Variants in GABRB1 observed in about 807,000 individuals in gnomAD.
GABRB1 encodes the protein gamma-aminobutyric acid receptor subunit beta-1.
GABRB1 carries 17 observed loss-of-function variants against 51.6 expected under a neutral mutation model. That is an observed-to-expected ratio of 0.33 (90% CI 0.23 to 0.49). The LOEUF (loss-of-function observed/expected upper bound fraction) is 0.49. GABRB1 is among the 20% of genes least tolerant of loss of function. The pLI is 0.99. For missense variants in GABRB1, 410 were observed against 600.6 expected (o/e 0.68, Z 3.32); for synonymous variants, 247 against 218.9 (o/e 1.13, Z -1.14).
intron 3 of GABRB1, among the ~76,000 whole-genome samples, chr4:47,041,081 G>A (rs1725817049): frequency 6.6e-6 from 1 of 152,124 alleles, no homozygotes; most frequent in South Asian, 2.1e-4. Context: ...TTGCATGAAA[G>A]CAGTGTAAAG....
rs115662723 is a variant in GABRB1 at position 47,159,801 on chromosome 4, G to T, written c.241-1448G>T. ...TGAAGTGCAGTTTGCCCAGATGTTA[G>T]ACATGATTCTAATCATTCTTTTTCC... On this transcript the variant is annotated intron_variant, in intron 3 of 8. Transcript: ENST00000295454. 7.6e-3 allele frequency among the ~76,000 whole-genome samples: 1,155 copies of T among 152,148 alleles called. 12 individuals carry two copies. The highest frequency in any genetic ancestry group is 0.026 in the African/African-American group (1,092 of 41,522).
intron 5 of GABRB1, among the ~76,000 whole-genome samples, chr4:47,366,781 T>C (rs4694846): frequency 0.41 from 61,736 of 152,118 alleles, 12,847 homozygotes; most frequent in African/African-American, 0.43. Flanking sequence ...TCCATTATGA[T>C]GAAAAGTTGC....
rs759177856 is a variant in GABRB1, at chr4:47,320,161, C to A, written c.496C>A (p.Arg166=). 6.2e-7 allele frequency: 1 copy of A among 1,607,774 alleles called. No individual in the cohort carries two copies. Reference sequence around the variant, plus strand: ...CACAGCTGCATGTATGATGGATCTTCGAAGATATCCATTGGATGAGCAGAA... The same window carrying A: ...CACAGCTGCATGTATGATGGATCTTAGAAGATATCCATTGGATGAGCAGAA... ...TTTAACMMDL[R]RYPLDEQNCT... The change falls in exon 5 of 9, where the codon CGA becomes AGA. Residue 166 remains arginine (R), a synonymous_variant. Transcript: ENST00000295454.
chr4:47,170,223 G>A (rs1428854622), intron 4 of GABRB1, among the ~76,000 whole-genome samples: 3 of 151,846 alleles, frequency 2.0e-5, no homozygotes, highest in Admixed American at 6.6e-5. Flanking sequence ...TCTGACCACG[G>A]ATTGTGTGTG....
intron 4 of GABRB1, among the ~76,000 whole-genome samples, chr4:47,174,499 A>T (rs1413776589): frequency 6.6e-6 from 1 of 152,154 alleles, no homozygotes; most frequent in Non-Finnish European, 1.5e-5. Context: ...GAAATTGGAA[A>T]TCTTACCATA....
intron 7 of GABRB1, among the ~76,000 whole-genome samples, chr4:47,406,257 T>C (rs931266750): frequency 1.3e-5 from 2 of 152,134 alleles, no homozygotes; most frequent in Non-Finnish European, 2.9e-5. Flanking sequence ...AGCTTTCAGT[T>C]TGGTAGAGGC....
intron 4 of GABRB1, among the ~76,000 whole-genome samples, chr4:47,293,856 A>G (rs1173409228): frequency 6.6e-6 from 1 of 152,356 alleles, no homozygotes; most frequent in Admixed American, 6.5e-5. Context: ...AAAACTAGGG[A>G]GTGTAATATT....
intron 3 of GABRB1, among the ~76,000 whole-genome samples, chr4:47,106,614 A>G (rs1714981816): frequency 6.6e-6 from 1 of 151,710 alleles, no homozygotes; most frequent in South Asian, 2.1e-4. Context: ...AACCCAACCA[A>G]CTCTTGTTGG....
chr4:47,199,946 A>G (rs1289926836), intron 4 of GABRB1, among the ~76,000 whole-genome samples: 1 of 152,186 alleles, frequency 6.6e-6, no homozygotes, highest in African/African-American at 2.4e-5. Flanking sequence ...GTTTTTCTCC[A>G]GCTACTTTTG....
rs552673034 is a variant in GABRB1 at position 47,352,321 on chromosome 4, G to A, written c.544+32112G>A. 5.2e-3 allele frequency among the ~76,000 whole-genome samples: 798 copies of A among 152,162 alleles called. 2 individuals carry two copies. Among genetic ancestry groups the A allele is most frequent in the Non-Finnish European group, 8.4e-3 (574 of 68,000 alleles). On this transcript the variant is annotated intron_variant, in intron 5 of 8. Coordinates refer to ENST00000295454, the MANE Select transcript of GABRB1 (RefSeq NM_000812.4). ...TCCAGGACCAGATGGATTCACAGCC[G>A]AATTCTACCAGAGGTACAAGGAGGA...
chr4:47,371,763 T>C (rs763325646), intron 5 of GABRB1, among the ~76,000 whole-genome samples: 1 of 152,232 alleles, frequency 6.6e-6, no homozygotes. Context: ...TTCATGTCCT[T>C]TGCCCACTTT....
At chr4:47,133,849 A>G (rs149247052) in intron 3 of GABRB1, among the ~76,000 whole-genome samples, 102 of 152,288 alleles carry the variant, frequency 6.7e-4, no homozygotes, top group Middle Eastern at 3.4e-3. Flanking sequence ...GTTATAAATT[A>G]TAATTTTTCT....
chr4:47,137,819 C>G (rs905191595), intron 3 of GABRB1, among the ~76,000 whole-genome samples: 1 of 151,944 alleles, frequency 6.6e-6, no homozygotes, highest in Admixed American at 6.6e-5. Flanking sequence ...TCACATTGAA[C>G]TTTAGGGAAC....
chr4:47,104,489 T>C (rs1714866165), intron 3 of GABRB1, among the ~76,000 whole-genome samples: 1 of 144,020 alleles, frequency 6.9e-6, no homozygotes, highest in African/African-American at 2.6e-5. Flanking sequence ...ATCTCATAAA[T>C]ACTTTTTCCT....
chr4:47,028,322 A>T (rs187530808), upstream of GABRB1, among the ~76,000 whole-genome samples: 146 of 151,898 alleles, frequency 9.6e-4, no homozygotes, highest in South Asian at 1.5e-3. Flanking sequence ...TTGAAATTAC[A>T]AACAATCCAA....
At chr4:47,157,231 C>T (rs1717746682) in intron 3 of GABRB1, among the ~76,000 whole-genome samples, 1 of 152,062 alleles carries the variant, frequency 6.6e-6, no homozygotes, top group African/African-American at 2.4e-5. Context: ...TGGTGGAACA[C>T]TTGTAAACTC....
chr4:47,295,683 T>C (rs1723957082), intron 4 of GABRB1, among the ~76,000 whole-genome samples: 1 of 152,182 alleles, frequency 6.6e-6, no homozygotes, highest in Non-Finnish European at 1.5e-5. Flanking sequence ...GAAAACACTT[T>C]GCAGGATATT....
Position 47,352,242 on chromosome 4 carries a change from A to T in GABRB1, c.544+32033A>T, listed in dbSNP as rs572805023. ...AAGAAGTTGAATCTCTGAATAAACC[A>T]ATAACAGGATCTGAAATTGTGGCAA... is the stretch of plus-strand genomic sequence containing the variant. On this transcript the variant is annotated intron_variant, in intron 5 of 8. Transcript: ENST00000295454. Among the ~76,000 whole-genome samples the T allele has an allele frequency of 3.3e-4, 51 of 152,330 alleles. No homozygotes were observed. The East Asian group carries it at 9.5e-3, about 28-fold the overall frequency.
Position 47,425,550 on chromosome 4 carries a change from C to A in GABRB1, c.1081-124C>A, listed in dbSNP as rs1295682378. On this transcript the variant is annotated intron_variant, in intron 8 of 8. Coordinates refer to ENST00000295454, the MANE Select transcript of GABRB1 (RefSeq NM_000812.4). ...GATCTATCTCCACATCAGGGAGGCA[C>A]ATCAAGCCAGATGTTTAGGAACACA... is the stretch of plus-strand genomic sequence containing the variant. The A allele has an allele frequency of 9.9e-6, 7 of 707,324 alleles. No individual in the cohort carries two copies. The East Asian group carries it at 1.5e-4, about 16-fold the overall frequency. The allele number at this position is 707,324 out of a possible 1,614,324, so 43.8% of individuals were successfully genotyped here.
Sources: allele counts gnomAD v4.1 joint callset (sites outside exome capture counted in the v4.1 genomes callset), GRCh38; gene constraint gnomAD v4.1.1; transcripts MANE v1.5; gene names NCBI Gene and HGNC (gene_info 2026-07-23, HGNC 2026-07-21).